Variants in SLC10A7 observed in about 807,000 individuals in gnomAD.
SLC10A7 encodes sodium/bile acid cotransporter 7.
In SLC10A7, 29 loss-of-function variants were observed where a neutral mutation model predicts 43.2. That is an observed-to-expected ratio of 0.67 (90% confidence interval 0.50 to 0.92). The LOEUF is 0.92. SLC10A7 is among the 40% of genes least tolerant of loss of function. SLC10A7 has a pLI of 0.00. For missense variants in SLC10A7, 295 were observed against 403.2 expected, an observed-to-expected ratio of 0.73 and a Z score of 2.30; for synonymous variants, 152 against 144.8, an observed-to-expected ratio of 1.05 and a Z score of -0.35.
At chr4:146,457,934 CT>C (rs1383402573) in intron 4 of SLC10A7, among the ~76,000 whole-genome samples, 1 of 151,818 alleles carries the variant, frequency 6.6e-6, no homozygotes, top group Non-Finnish European at 1.5e-5. Context: ...TCTATAAAAA[CT>C]CACCAAGAGA....
At chr4:146,423,111 G>C (rs1418431027) in intron 5 of SLC10A7, among the ~76,000 whole-genome samples, 1 of 152,032 alleles carries the variant, frequency 6.6e-6, no homozygotes, top group Non-Finnish European at 1.5e-5. Context: ...AGTCCATTAA[G>C]CACATAGAAA....
In SLC10A7 at chr4:146,483,063, A is replaced by G. The variant is rs62326866; in HGVS notation, c.396+20786T>C. Among the ~76,000 whole-genome samples the G allele has an allele frequency of 8.2e-3, 1,254 of 152,358 alleles. 9 individuals are homozygous for G. Among genetic ancestry groups the G allele is most frequent in the Non-Finnish European group, 0.014 (978 of 68,028 alleles). ...AAAGCTGAGGGAATTCATTACCACT[A>G]GGCCTGTCTTACAAGAAGTACTAAA... is the stretch of plus-strand genomic sequence containing the variant. On this transcript the variant is annotated intron_variant, in intron 4 of 11. Transcript: ENST00000335472.
Position 146,351,128 on chromosome 4 carries a change from C to T in SLC10A7, c.436-25132G>A, listed in dbSNP as rs554718173. 4.6e-3 allele frequency among the ~76,000 whole-genome samples: 697 copies of T among 151,034 alleles called. 5 individuals carry two copies. Among genetic ancestry groups the T allele is most frequent in the African/African-American group, 0.016 (646 of 40,834 alleles). ...AAACCAAAGGCAAAGAAGTTGAAAA[C>T]TTTGAAAAAAATTTAGAAGAATGTA... On this transcript the variant is annotated intron_variant, in intron 5 of 11. Coordinates refer to ENST00000335472, the MANE Select transcript of SLC10A7 (RefSeq NM_001029998.6).
rs113030528 is a variant in SLC10A7, at chr4:146,292,858, G to T, written c.773+71C>A. On this transcript the variant is annotated intron_variant, in intron 9 of 11. Transcript: ENST00000335472. ...GAAAAAAATATAAACGTGTATAGTG[G>T]CATAGTAGCCAAGTAGACCGCATGA... 67 of 1,069,098 alleles carry T rather than the reference G, an allele frequency of 6.3e-5. No individual in the cohort carries two copies. The Admixed American group carries it at 1.1e-3, about 17-fold the overall frequency. 66.2% of individuals were successfully genotyped at this position (1,069,098 alleles called of 1,614,324 possible).
At chr4:146,464,851 C>A (rs573972022) in intron 4 of SLC10A7, among the ~76,000 whole-genome samples, 1 of 152,158 alleles carries the variant, frequency 6.6e-6, no homozygotes, top group South Asian at 2.1e-4. Context: ...TAGACAAAAA[C>A]AGAATTTTTG....
At chr4:146,362,100 T>C (rs1279044126) in intron 5 of SLC10A7, among the ~76,000 whole-genome samples, 1 of 151,816 alleles carries the variant, frequency 6.6e-6, no homozygotes, top group Non-Finnish European at 1.5e-5. Flanking sequence ...ACATAGAAAA[T>C]AGCCTCAAAA....
chr4:146,407,721 C>G (rs900213762), intron 5 of SLC10A7, among the ~76,000 whole-genome samples: 4 of 152,168 alleles, frequency 2.6e-5, no homozygotes, highest in Non-Finnish European at 4.4e-5. Flanking sequence ...GTTAACAGAA[C>G]CCTGTTTTCT....
At chr4:146,409,795 A>T (rs576648256) in intron 5 of SLC10A7, among the ~76,000 whole-genome samples, 70 of 152,294 alleles carry the variant, frequency 4.6e-4, no homozygotes, top group African/African-American at 1.6e-3. Flanking sequence ...GGTAGAATTA[A>T]TGCTGTGTTG....
At chr4:146,307,453 A>G (rs1254187651) in intron 6 of SLC10A7, among the ~76,000 whole-genome samples, 2 of 152,300 alleles carry the variant, frequency 1.3e-5, no homozygotes, top group African/African-American at 4.8e-5. Context: ...CAAAACCAAA[A>G]TATTAAAAGC....
chr4:146,356,485 A>G (rs778283338), intron 5 of SLC10A7, among the ~76,000 whole-genome samples: 9 of 151,488 alleles, frequency 5.9e-5, no homozygotes, highest in Non-Finnish European at 1.2e-4. Context: ...ATTGCATTCT[A>G]CTCTTTTACC....
chr4:146,513,726 C>G (rs1395542808), intron 2 of SLC10A7, among the ~76,000 whole-genome samples: 2 of 152,166 alleles, frequency 1.3e-5, no homozygotes, highest in Non-Finnish European at 2.9e-5. Context: ...ATCCCAGCAT[C>G]ATATATTTTC....
At chr4:146,486,113 C>T (rs1011612630) in intron 4 of SLC10A7, among the ~76,000 whole-genome samples, 2 of 152,094 alleles carry the variant, frequency 1.3e-5, no homozygotes, top group African/African-American at 4.8e-5. Context: ...CTATGGTTTT[C>T]TAAACCAAGG....
rs1022450370 is a variant in SLC10A7 at position 146,438,469 on chromosome 4, C to T, written c.435+4314G>A. 3.3e-5 allele frequency among the ~76,000 whole-genome samples: 5 copies of T among 152,124 alleles called. No individual in the cohort carries two copies. In the South Asian group the frequency reaches 8.3e-4, roughly 25 times the overall value. ...TTACAAGGATGATTTAACTTTCTGA[C>T]TCTTTGATGCTGTTTCTGAAATTCT... On this transcript the variant is annotated intron_variant, in intron 5 of 11. Coordinates refer to ENST00000335472, the MANE Select transcript of SLC10A7 (RefSeq NM_001029998.6).
At chr4:146,325,645 C>G (rs962307906) in intron 6 of SLC10A7, among the ~76,000 whole-genome samples, 7 of 152,140 alleles carry the variant, frequency 4.6e-5, no homozygotes, top group Admixed American at 1.3e-4. Flanking sequence ...CACTATCAAT[C>G]ACTTTAGTTT....
intron 5 of SLC10A7, among the ~76,000 whole-genome samples, chr4:146,433,120 A>G (rs563715981): frequency 1.3e-5 from 2 of 151,790 alleles, no homozygotes; most frequent in East Asian, 3.9e-4. Flanking sequence ...GGCTAAAGAC[A>G]GAGAAAAATT....
intron 10 of SLC10A7, among the ~76,000 whole-genome samples, chr4:146,276,400 T>C (rs1729209426): frequency 6.6e-6 from 1 of 152,200 alleles, no homozygotes; most frequent in South Asian, 2.1e-4. Flanking sequence ...ATTACCACAC[T>C]GTCCACAGAG....
intron 9 of SLC10A7, among the ~76,000 whole-genome samples, chr4:146,290,810 T>C (rs141768444): frequency 6.6e-6 from 1 of 152,144 alleles, no homozygotes; most frequent in Non-Finnish European, 1.5e-5. Context: ...TAGCAAGCTA[T>C]GATGGCATCA....
intron 5 of SLC10A7, among the ~76,000 whole-genome samples, chr4:146,387,104 G>C (rs1204040139): frequency 1.3e-5 from 2 of 152,138 alleles, no homozygotes; most frequent in African/African-American, 4.8e-5. Flanking sequence ...ATTTGGAGGT[G>C]GGACTTTTGG....
intron 7 of SLC10A7, among the ~76,000 whole-genome samples, chr4:146,299,575 CA>C (rs1379420680): frequency 1.4e-4 from 22 of 152,144 alleles, no homozygotes; most frequent in African/African-American, 5.3e-4. Context: ...ACGGCCAGTG[CA>C]AAGGTTCTAA....
Sources: allele counts gnomAD v4.1 joint callset (sites outside exome capture counted in the v4.1 genomes callset), GRCh38; gene constraint gnomAD v4.1.1; transcripts MANE v1.5; gene names NCBI Gene and HGNC (gene_info 2026-07-23, HGNC 2026-07-21).